Variants in KIRREL3 observed in about 807,000 individuals in gnomAD.
KIRREL3 encodes kin of IRRE-like protein 3.
KIRREL3 carries 36 observed loss-of-function variants against 89.7 expected under a neutral mutation model. That is an observed-to-expected ratio of 0.40 (90% CI 0.31 to 0.53). The LOEUF is 0.53. KIRREL3 is among the 20% of genes least tolerant of loss of function. The pLI, the probability that KIRREL3 is intolerant of heterozygous loss-of-function variation, is 0.49. For synonymous variants in KIRREL3, 445 were observed against 441.4 expected (o/e 1.01, Z -0.10); for missense variants, 864 against 1,056.6 (o/e 0.82, Z 2.53).
rs146023098 is a variant in KIRREL3, at chr11:126,475,237, A to G, written c.434-1771T>C. 5.9e-3 allele frequency among the ~76,000 whole-genome samples: 895 copies of G among 152,202 alleles called. 7 individuals are homozygous for G. Among genetic ancestry groups the G allele is most frequent in the African/African-American group, 0.018 (733 of 41,528 alleles). On this transcript the variant is annotated intron_variant, in intron 4 of 16. Transcript: ENST00000525144. The surrounding 1 kb of genome is among the most constrained non-coding windows in gnomAD (Gnocchi z 7.5). Reference sequence around the variant, plus strand: ...GAGAAGTTCAGAGCTGAACAGTCACAGCTCCGGGCCCGTCCTGACTCCACT... The same window carrying G: ...GAGAAGTTCAGAGCTGAACAGTCACGGCTCCGGGCCCGTCCTGACTCCACT...
Position 126,443,248 on chromosome 11 carries a change from G to A in KIRREL3, c.1252+1731C>T, listed in dbSNP as rs1356684941. Reference sequence around the variant, plus strand: ...GTCATAGGGCCAGCAGAGCAGAGCCGGCTGCAGGCACAGACAGCCTGACTT... The same window carrying A: ...GTCATAGGGCCAGCAGAGCAGAGCCAGCTGCAGGCACAGACAGCCTGACTT... On this transcript the variant is annotated intron_variant, in intron 10 of 16. Transcript: ENST00000525144. The surrounding 1 kb of genome is among the most constrained non-coding windows in gnomAD (Gnocchi z 7.3). Among the ~76,000 whole-genome samples the A allele has an allele frequency of 1.3e-5, 2 of 152,310 alleles. No individual in the cohort carries two copies. The highest frequency in any genetic ancestry group is 1.9e-4 in the East Asian group (1 of 5,178).
intron 1 of KIRREL3, among the ~76,000 whole-genome samples, chr11:126,854,719 A>G (rs1944453975): frequency 6.6e-6 from 1 of 152,182 alleles, no homozygotes; most frequent in South Asian, 2.1e-4. Context: ...TCTGTTTTCA[A>G]TTCCTTTGGG....
intron 1 of KIRREL3, among the ~76,000 whole-genome samples, chr11:126,962,066 A>T (rs1223205760): frequency 6.6e-6 from 1 of 152,208 alleles, no homozygotes; most frequent in South Asian, 2.1e-4. Context: ...AAGGGCTGTG[A>T]TGGAGATATG....
intron 7 of KIRREL3, among the ~76,000 whole-genome samples, chr11:126,452,817 C>A (rs1425562148): frequency 6.6e-6 from 1 of 152,182 alleles, no homozygotes; most frequent in Non-Finnish European, 1.5e-5. Flanking sequence ...TGCCTCAGGA[C>A]CCGACAGAGC....
rs550514307 is a variant in KIRREL3 at position 126,832,461 on chromosome 11, C to T, written c.55+167994G>A. ...AATGCTTGTACATAAAGGCAACCTC[C>T]TCCCTTTCCCAGAGCTGAGACTATC... On this transcript the variant is annotated intron_variant, in intron 1 of 16. Transcript: ENST00000525144. Among the ~76,000 whole-genome samples the T allele has an allele frequency of 2.0e-5, 3 of 152,304 alleles. No homozygotes were observed. The South Asian group carries it at 6.2e-4, about 32-fold the overall frequency.
chr11:126,838,742 A>C (rs1943859259), intron 1 of KIRREL3, among the ~76,000 whole-genome samples: 1 of 152,168 alleles, frequency 6.6e-6, no homozygotes. Context: ...CTAGCAGTGA[A>C]TTTTCAGTGT....
At chr11:126,899,481 T>C (rs1385679962) in intron 1 of KIRREL3, among the ~76,000 whole-genome samples, 1 of 152,194 alleles carries the variant, frequency 6.6e-6, no homozygotes, top group East Asian at 1.9e-4. Context: ...AGAACACCGA[T>C]TAACTTCCTC....
At chr11:126,493,610 G>A (rs1442057426) in intron 4 of KIRREL3, among the ~76,000 whole-genome samples, 2 of 142,352 alleles carry the variant, frequency 1.4e-5, no homozygotes, top group East Asian at 2.1e-4. Context: ...AGCTGAGATC[G>A]CGCCACCGCA....
chr11:126,895,784 T>C (rs1946132649), intron 1 of KIRREL3, among the ~76,000 whole-genome samples: 1 of 152,148 alleles, frequency 6.6e-6, no homozygotes, highest in Admixed American at 6.5e-5. Context: ...ACTTCCCCTT[T>C]ACTGCTGTCC....
chr11:126,973,003 G>A (rs900908943), intron 1 of KIRREL3, among the ~76,000 whole-genome samples: 1 of 147,404 alleles, frequency 6.8e-6, no homozygotes, highest in Non-Finnish European at 1.5e-5. Flanking sequence ...AAGTCAATGG[G>A]AATTATATTT....
Position 126,682,454 on chromosome 11 carries a change from G to T in KIRREL3, c.56-119542C>A, listed in dbSNP as rs945540756. On this transcript the variant is annotated intron_variant, in intron 1 of 16. Transcript: ENST00000525144. The surrounding 1 kb of genome is among the most constrained non-coding windows in gnomAD (Gnocchi z 4.8). ...CTGAGTAGGTGTGCAATCAATATTTGTTTTTTCCTGCCACTCCTTTACCAG... is the reference window on the plus strand; with the variant it reads ...CTGAGTAGGTGTGCAATCAATATTTTTTTTTTCCTGCCACTCCTTTACCAG... Among the ~76,000 whole-genome samples the T allele has an allele frequency of 6.6e-6, 1 of 152,084 alleles. No homozygotes were observed. The highest frequency in any genetic ancestry group is 1.5e-5 in the Non-Finnish European group (1 of 68,010).
At chr11:126,962,589 C>T (rs545953881) in intron 1 of KIRREL3, among the ~76,000 whole-genome samples, 10 of 152,190 alleles carry the variant, frequency 6.6e-5, no homozygotes, top group South Asian at 2.1e-4. Flanking sequence ...AAAGTTGAAA[C>T]GACAACAAAA....
intron 1 of KIRREL3, among the ~76,000 whole-genome samples, chr11:126,885,810 T>C (rs1056084782): frequency 1.3e-5 from 2 of 152,222 alleles, no homozygotes; most frequent in African/African-American, 4.8e-5. Context: ...TAGGGTACTT[T>C]GGGCTTTGAA....
intron 1 of KIRREL3, among the ~76,000 whole-genome samples, chr11:126,720,531 T>C (rs957006368): frequency 6.6e-6 from 1 of 152,202 alleles, no homozygotes; most frequent in African/African-American, 2.4e-5. Flanking sequence ...AAGCATTAGG[T>C]GGGTGAAAAA....
At chr11:126,823,103 C>G (rs1943284606) in intron 1 of KIRREL3, among the ~76,000 whole-genome samples, 1 of 152,194 alleles carries the variant, frequency 6.6e-6, no homozygotes, top group South Asian at 2.1e-4. Flanking sequence ...ATGTGAGAGA[C>G]TAAACGGTCC....
chr11:126,737,015 C>T (rs114237775), intron 1 of KIRREL3, among the ~76,000 whole-genome samples: 2,148 of 152,302 alleles, frequency 0.014, 48 homozygotes, highest in African/African-American at 0.045. Flanking sequence ...CAGGGAAAAG[C>T]AAAAACAGCT....
chr11:126,490,793 C>T lies in KIRREL3; in HGVS notation c.434-17327G>A, dbSNP rs757893342. Among the ~76,000 whole-genome samples the T allele has an allele frequency of 1.3e-5, 2 of 152,222 alleles. No homozygotes were observed. Among genetic ancestry groups the T allele is most frequent in the Non-Finnish European group, 1.5e-5 (1 of 68,008 alleles). On this transcript the variant is annotated intron_variant, in intron 4 of 16. Transcript: ENST00000525144. This position sits in a 1 kb window ranked among gnomAD's most constrained non-coding sequence, Gnocchi z 4.2. ...ATGGGTCTGCCTTCTTCATCTCTTG[C>T]GAGTCTGGGACTCCAAGGGCCGAGC... is the stretch of plus-strand genomic sequence containing the variant.
rs1318913810 is a variant in KIRREL3, at chr11:126,689,632, G to A, written c.56-126720C>T. 6.6e-6 allele frequency among the ~76,000 whole-genome samples: 1 copy of A among 152,196 alleles called. No individual in the cohort carries two copies. Among genetic ancestry groups the A allele is most frequent in the Non-Finnish European group, 1.5e-5 (1 of 68,040 alleles). On this transcript the variant is annotated intron_variant, in intron 1 of 16. Coordinates refer to ENST00000525144, the MANE Select transcript of KIRREL3 (RefSeq NM_032531.4). This position sits in a 1 kb window ranked among gnomAD's most constrained non-coding sequence, Gnocchi z 5.2. ...GCCAGGAGATGGGAAGAGACATCTT[G>A]TTAGCCAGTTGCTCTGGTAGCCTGC...
intron 1 of KIRREL3, among the ~76,000 whole-genome samples, chr11:126,927,012 C>A (rs1432565415): frequency 2.0e-5 from 3 of 152,108 alleles, no homozygotes; most frequent in African/African-American, 7.2e-5. Flanking sequence ...ATGATGCAGG[C>A]AAAATATTGG....
Sources: gnomAD v4.1 joint callset for allele counts (sites outside exome capture counted in the v4.1 genomes callset) on GRCh38, gnomAD v4.1.1 for gene constraint, Gnocchi (gnomAD v3.1) non-coding constraint, MANE v1.5 for transcripts, NCBI Gene and HGNC (gene_info 2026-07-23, HGNC 2026-07-21) for gene names.